Variants in ADARB2 observed in about 807,000 individuals in gnomAD.
The protein encoded by ADARB2 is adenosine deaminase RNA specific B2 (inactive), also known as inactive double-stranded RNA-specific editase B2.
Under a neutral mutation model 62.2 loss-of-function variants are expected in ADARB2, and 25 were observed. That is an observed-to-expected ratio of 0.40 (90% CI 0.29 to 0.56). The LOEUF (loss-of-function observed/expected upper bound fraction) is 0.56. Ranked by LOEUF, ADARB2 falls within the 20% of genes least tolerant of loss-of-function variation. The pLI is 0.43. For synonymous variants in ADARB2, 572 were observed against 500.8 expected, an observed-to-expected ratio of 1.14 and a Z score of -1.90; for missense variants, 1,071 against 1,077.4, an observed-to-expected ratio of 0.99 and a Z score of 0.08.
At chr10:1,347,973 C>T (rs755085600) in intron 3 of ADARB2, among the ~76,000 whole-genome samples, 10 of 151,368 alleles carry the variant, frequency 6.6e-5, no homozygotes, top group South Asian at 4.2e-4. Context: ...CAGACAGAGA[C>T]GGAGACAGAG....
Position 1,737,431 on chromosome 10 carries a change from C to T in ADARB2, c.-281G>A. 2.3e-6 allele frequency: 1 copy of T among 434,368 alleles called. No homozygotes were observed. The highest frequency in any genetic ancestry group is 3.3e-5 in the South Asian group (1 of 29,906). 26.9% of individuals were successfully genotyped at this position (434,368 alleles called of 1,614,324 possible). A position where few individuals can be genotyped will look rare whatever the true frequency, so the allele number is the denominator to read the frequency against. ...AAGGGCGCGCGGCGTCCTGAGTGCTCCGAGCTTCCCGCGGGCTCTGCCTCC... is the reference window on the plus strand; with the variant it reads ...AAGGGCGCGCGGCGTCCTGAGTGCTTCGAGCTTCCCGCGGGCTCTGCCTCC... On this transcript the variant is annotated 5_prime_UTR_variant, in exon 1 of 10. Coordinates refer to ENST00000381312, the MANE Select transcript of ADARB2 (RefSeq NM_018702.4).
intron 3 of ADARB2, among the ~76,000 whole-genome samples, chr10:1,297,685 G>A (rs1157495705): frequency 1.3e-5 from 2 of 152,200 alleles, no homozygotes; most frequent in African/African-American, 4.8e-5. Context: ...ATGCAAATCT[G>A]TCCAAGCGCC....
At chr10:1,483,825 T>C (rs1284464167) in intron 1 of ADARB2, among the ~76,000 whole-genome samples, 2 of 151,936 alleles carry the variant, frequency 1.3e-5, no homozygotes, top group Non-Finnish European at 2.9e-5. Context: ...TCAAAGTATT[T>C]ACGAATCAAC....
At chr10:1,460,002 T>C in intron 1 of ADARB2, among the ~76,000 whole-genome samples, 1 of 95,836 alleles carries the variant, frequency 1.0e-5, no homozygotes, top group Non-Finnish European at 2.4e-5. Flanking sequence ...TGACCTGAGT[T>C]TACCTGCGTA....
intron 3 of ADARB2, among the ~76,000 whole-genome samples, chr10:1,319,629 A>G (rs936876799): frequency 6.6e-6 from 1 of 152,226 alleles, no homozygotes; most frequent in African/African-American, 2.4e-5. Context: ...AGTCTATTCC[A>G]TGACGAATGG....
intron 1 of ADARB2, among the ~76,000 whole-genome samples, chr10:1,402,115 G>C (rs554689477): frequency 6.6e-6 from 1 of 152,306 alleles, no homozygotes; most frequent in South Asian, 2.1e-4. Context: ...ATGAGGCCTG[G>C]CTAATGTCTT....
Position 1,183,329 on chromosome 10 carries a change from A to G in ADARB2, c.2084T>C (p.Met695Thr), listed in dbSNP as rs142515034. 9 of 1,614,034 alleles carry G rather than the reference A, an allele frequency of 5.6e-6. No homozygotes were observed. The highest frequency in any genetic ancestry group is 2.7e-5 in the African/African-American group (2 of 74,938). Residue 695 changes from methionine (M) to threonine (T), a missense_variant, in exon 10 of 10, where the codon ATG becomes ACG. Transcript: ENST00000381312. ...CGCCCCCAGCTTGGCCTCACAGTAC[A>G]TGGAGGGCGTGTCTCCAGGGCTGGG... The part of the protein sequence containing the change: ...RTPSPGDTPS[M>T]YCEAKLGAHT...
intron 1 of ADARB2, among the ~76,000 whole-genome samples, chr10:1,585,598 T>G (rs1430277984): frequency 6.6e-6 from 1 of 152,206 alleles, no homozygotes; most frequent in Non-Finnish European, 1.5e-5. Flanking sequence ...TCCTCTCACA[T>G]GGGAATTGTG....
chr10:1,427,650 C>T (rs1564286772), intron 1 of ADARB2, among the ~76,000 whole-genome samples: 1 of 152,206 alleles, frequency 6.6e-6, no homozygotes, highest in Non-Finnish European at 1.5e-5. Context: ...TACAGCCACT[C>T]TGGAAAACAG....
chr10:1,202,886 A>T (rs1837005887), intron 7 of ADARB2, among the ~76,000 whole-genome samples: 1 of 152,228 alleles, frequency 6.6e-6, no homozygotes, highest in African/African-American at 2.4e-5. Context: ...TCCGGAACGT[A>T]TGTGAGTGGC....
intron 1 of ADARB2, among the ~76,000 whole-genome samples, chr10:1,655,311 A>G (rs1834160328): frequency 1.3e-5 from 2 of 152,220 alleles, no homozygotes; most frequent in African/African-American, 4.8e-5. Context: ...TCAACACCCC[A>G]GGGTCTAAGG....
At chr10:1,658,990 C>G (rs145201377) in intron 1 of ADARB2, among the ~76,000 whole-genome samples, 25 of 152,184 alleles carry the variant, frequency 1.6e-4, no homozygotes, top group African/African-American at 5.8e-4. Context: ...TGAATTCACT[C>G]AAGTTGTGGT....
At chr10:1,602,743 C>T (rs1405772162) in intron 1 of ADARB2, among the ~76,000 whole-genome samples, 1 of 146,868 alleles carries the variant, frequency 6.8e-6, no homozygotes, top group East Asian at 2.0e-4. Context: ...TACAGACACA[C>T]AACACACACA....
intron 1 of ADARB2, among the ~76,000 whole-genome samples, chr10:1,573,585 G>A (rs993091790): frequency 2.0e-5 from 3 of 152,196 alleles, no homozygotes; most frequent in African/African-American, 7.2e-5. Flanking sequence ...AGTGGCCACG[G>A]CGGCCTCCCC....
chr10:1,478,646 G>C (rs1374806666), intron 1 of ADARB2, among the ~76,000 whole-genome samples: 8 of 151,536 alleles, frequency 5.3e-5, no homozygotes, highest in Non-Finnish European at 1.0e-4. Context: ...TCGGACGGGA[G>C]AGCACCAAAA....
In ADARB2 at chr10:1,217,047, G is replaced by T; in HGVS notation, c.1586C>A (p.Thr529Lys). The change falls in exon 7 of 10, where the codon ACG becomes AAG. Residue 529 changes from threonine to lysine, a missense_variant. Coordinates refer to ENST00000381312, the MANE Select transcript of ADARB2 (RefSeq NM_018702.4). ...TGCGCTGGGGCCACGCACGGGGACC[G>T]TCCCTTCCCCGGACTCGATCTTGGT... ...LRTKIESGEGTVPVRGPSAVQ... is the reference protein window; with the variant it reads ...LRTKIESGEGKVPVRGPSAVQ... 1 of 1,611,052 alleles carries T rather than the reference G, an allele frequency of 6.2e-7. No individual in the cohort carries two copies. The highest frequency in any genetic ancestry group is 2.2e-5 in the East Asian group (1 of 44,802).
rs1831755998 is a variant in ADARB2 at position 1,317,965 on chromosome 10, T to C, written c.1077+45063A>G. Among the ~76,000 whole-genome samples, 6 of 152,144 alleles carry C rather than the reference T, an allele frequency of 3.9e-5. No homozygotes were observed. The South Asian group carries it at 1.2e-3, about 32-fold the overall frequency. ...TACTCGACCCTCCCTCAATCCCCGG[T>C]GTGAGTGCCAGGTAACTGCTGGACC... On this transcript the variant is annotated intron_variant, in intron 3 of 9. Transcript: ENST00000381312.
At chr10:1,637,214 C>T (rs375548063) in intron 1 of ADARB2, among the ~76,000 whole-genome samples, 1 of 151,078 alleles carries the variant, frequency 6.6e-6, no homozygotes, top group African/African-American at 2.4e-5. Context: ...AGATACTTGG[C>T]AGTTTATATT....
chr10:1,638,871 C>T (rs1303764404), intron 1 of ADARB2, among the ~76,000 whole-genome samples: 1 of 152,206 alleles, frequency 6.6e-6, no homozygotes, highest in Admixed American at 6.5e-5. Context: ...GGCTCACATA[C>T]TTCTCATCCG....
Sources: gnomAD v4.1 joint callset for allele counts (sites outside exome capture counted in the v4.1 genomes callset) on GRCh38, gnomAD v4.1.1 for gene constraint, MANE v1.5 for transcripts, NCBI Gene and HGNC (gene_info 2026-07-23, HGNC 2026-07-21) for gene names.